The following DNASE1 variants were observed in gnomAD, a reference collection of about 807,000 sequenced individuals.
DNASE1 encodes the protein deoxyribonuclease 1.
In DNASE1, 40 loss-of-function variants were observed where a neutral mutation model predicts 33.9. The observed-to-expected ratio is 1.18, with a 90% CI of 0.92 to 1.54. The LOEUF is 1.54. DNASE1 is among the 40% of genes most tolerant of loss of function. The pLI is 0.00. For synonymous variants in DNASE1, 216 were observed against 160.0 expected (o/e 1.35, Z -2.64); for missense variants, 518 against 372.6 (o/e 1.39, Z -3.21).
At position 3,645,594 on chromosome 16, in the gene DNASE1, C is replaced by T. The variant is rs925559491; in HGVS notation, c.-86+2558C>T. On this transcript the variant is annotated intron_variant, in intron 1 of 9. Coordinates refer to the DNASE1 transcript ENST00000407479. The stretch of plus-strand genomic sequence containing the variant: ...GTGTGGGGAGGGACGGGGCAGCCGG[C>T]GGAGGCTGAGCCAACATGCCGTGGT... 2.6e-5 allele frequency among the ~76,000 whole-genome samples: 4 copies of T among 152,176 alleles called. No individual in the cohort carries two copies. The East Asian group carries it at 5.8e-4, about 22-fold the overall frequency.
downstream of DNASE1, chr16:3,658,296 A>C: frequency 8.2e-7 from 1 of 1,224,258 alleles, no homozygotes; most frequent in Non-Finnish European, 1.2e-6. Context: ...TTTTTTTTTG[A>C]GACAGAGTCT....
rs769817672 is a variant in DNASE1 at position 3,656,077 on chromosome 16, G to A, written c.237-25G>A. The A allele has an allele frequency of 6.2e-6, 10 of 1,613,794 alleles. No individual in the cohort carries two copies. In the East Asian group the frequency reaches 1.6e-4, roughly 25 times the overall value. On this transcript the variant is annotated intron_variant, in intron 3 of 8. Transcript: ENST00000246949. ...GGGGTCCCCTATGGCCCCCGCCACTGGGACCTTTTGTTTCTTCAATCCAGG... is the reference window on the plus strand; with the variant it reads ...GGGGTCCCCTATGGCCCCCGCCACTAGGACCTTTTGTTTCTTCAATCCAGG...
At chr16:3,662,482 C>G (rs762448435), downstream of DNASE1, 13 of 522,344 alleles carry the variant, frequency 2.5e-5, no homozygotes, top group Non-Finnish European at 4.6e-5. Context: ...CTGAGCTAGA[C>G]AGGTTGGTGG....
intron 1 of DNASE1, among the ~76,000 whole-genome samples, chr16:3,637,030 A>G (rs2041888614): frequency 6.6e-6 from 1 of 152,138 alleles, no homozygotes; most frequent in South Asian, 2.1e-4. Flanking sequence ...AGGCTGAGGC[A>G]GGAGAATCGC....
intron 1 of DNASE1, among the ~76,000 whole-genome samples, chr16:3,630,611 T>A (rs1196853571): frequency 6.6e-6 from 1 of 152,214 alleles, no homozygotes; most frequent in Non-Finnish European, 1.5e-5. Context: ...ATCTTTTTTT[T>A]AAATTTAAAG....
downstream of DNASE1, chr16:3,661,038 T>A (rs1031770940): frequency 7.2e-5 from 11 of 152,170 alleles, no homozygotes; most frequent in African/African-American, 2.4e-4. Flanking sequence ...CTTCATTTTT[T>A]AAAAAATTGC....
downstream of DNASE1, chr16:3,659,269 C>T (rs755535805): frequency 5.8e-5 from 10 of 171,822 alleles, no homozygotes; most frequent in African/African-American, 2.2e-4. Context: ...CTCCATGTAA[C>T]GAGGGTGGAC....
At chr16:3,626,604 C>G (rs924708775) in intron 1 of DNASE1, among the ~76,000 whole-genome samples, 4 of 152,156 alleles carry the variant, frequency 2.6e-5, no homozygotes, top group Admixed American at 2.6e-4. Context: ...ATATATTTCT[C>G]TGTTGTTAGG....
downstream of DNASE1, chr16:3,658,348 C>A: frequency 1.3e-6 from 1 of 788,956 alleles, no homozygotes; most frequent in Non-Finnish European, 2.1e-6. Flanking sequence ...GATCTCGGCT[C>A]ACTGCAACCT....
upstream of DNASE1, among the ~76,000 whole-genome samples, chr16:3,639,794 G>T (rs772847918): frequency 7.9e-5 from 12 of 152,228 alleles, no homozygotes; most frequent in South Asian, 1.9e-3. Context: ...CGGTGTGGTG[G>T]CTCATGCCTG....
intron 1 of DNASE1, among the ~76,000 whole-genome samples, chr16:3,621,296 A>T (rs1347579429): frequency 6.6e-6 from 1 of 152,156 alleles, no homozygotes; most frequent in Non-Finnish European, 1.5e-5. Context: ...TATCTTGCCC[A>T]GGCTGATCTT....
chr16:3,628,064 C>G (rs2041576455), intron 1 of DNASE1, among the ~76,000 whole-genome samples: 1 of 151,766 alleles, frequency 6.6e-6, no homozygotes, highest in Non-Finnish European at 1.5e-5. Flanking sequence ...CAATATCGTC[C>G]AACCCATGAA....
chr16:3,631,406 T>G (rs2041694916), intron 1 of DNASE1, among the ~76,000 whole-genome samples: 1 of 152,184 alleles, frequency 6.6e-6, no homozygotes, highest in Admixed American at 6.5e-5. Context: ...GGTTTCACCA[T>G]ATTGGTCAGG....
At chr16:3,662,109 G>T (rs200158341), downstream of DNASE1, 1 of 1,613,080 alleles carries the variant, frequency 6.2e-7, no homozygotes, top group East Asian at 2.2e-5. Context: ...CCATGGCAGG[G>T]TGGGTGTCCA....
exon 10 of DNASE1, chr16:3,664,345 G>C (rs749020703): frequency 1.7e-5 from 27 of 1,613,156 alleles, no homozygotes; most frequent in Non-Finnish European, 2.2e-5. Flanking sequence ...GGGGCGCACA[G>C]GTAGTAGATG....
chr16:3,656,872 TTCCATTCAAGTCATTTGGAAAATA>T, intron 5 of DNASE1, 103 bp from the exon 6 acceptor site: 1 of 1,544,430 alleles, frequency 6.5e-7, no homozygotes, highest in Non-Finnish European at 8.7e-7. Flanking sequence ...GGCTTGGGTT[TTCCATTCAAGTCATTTGGAAAATA>T]TCCACCCCCC....
intron 1 of DNASE1, among the ~76,000 whole-genome samples, chr16:3,613,987 A>G (rs1185601640): frequency 7.8e-6 from 1 of 128,532 alleles, no homozygotes; most frequent in Non-Finnish European, 1.6e-5. Context: ...ATCTCGGCTC[A>G]CTGCAAGCTC....
downstream of DNASE1, chr16:3,662,682 G>A (rs1422107758): frequency 5.7e-6 from 4 of 695,798 alleles, no homozygotes; most frequent in African/African-American, 3.5e-5. Flanking sequence ...AGGGCTGGGA[G>A]AAAGACACGG....
At chr16:3,654,527 A>G, upstream of DNASE1, 1 of 398,680 alleles carries the variant, frequency 2.5e-6, no homozygotes, top group East Asian at 3.6e-5. Context: ...CCCAGACAAG[A>G]GACAGGGAGA....
Sources: allele counts gnomAD v4.1 joint callset (sites outside exome capture counted in the v4.1 genomes callset), GRCh38; gene constraint gnomAD v4.1.1; transcripts MANE v1.5; gene names NCBI Gene and HGNC (gene_info 2026-07-23, HGNC 2026-07-21).